Variants in DTNA observed in about 807,000 individuals in gnomAD.
The protein encoded by DTNA is dystrobrevin alpha.
In DTNA, 43 loss-of-function variants were observed where a neutral mutation model predicts 100.7. The observed-to-expected ratio is 0.43, with a 90% CI of 0.33 to 0.55. The LOEUF (loss-of-function observed/expected upper bound fraction) is 0.55. DTNA is among the 20% of genes least tolerant of loss of function. The probability of loss-of-function intolerance (pLI) is 0.04; values close to 1 mark genes in which losing one functional copy is unlikely to be tolerated. For missense variants in DTNA, 798 were observed against 953.9 expected, an observed-to-expected ratio of 0.84 and a Z score of 2.15; for synonymous variants, 349 against 347.9, an observed-to-expected ratio of 1.00 and a Z score of -0.04.
intron 1 of DTNA, among the ~76,000 whole-genome samples, chr18:34,682,130 G>T (rs1418237951): frequency 1.3e-5 from 2 of 152,072 alleles, no homozygotes; most frequent in Non-Finnish European, 2.9e-5. Context: ...TGGCTTGATA[G>T]TTCATTTTGT....
At chr18:34,619,864 T>A (rs1038938768) in intron 1 of DTNA, among the ~76,000 whole-genome samples, 2 of 152,176 alleles carry the variant, frequency 1.3e-5, no homozygotes, top group Admixed American at 6.5e-5. Context: ...AAGAAGGATG[T>A]GTATCAGAAA....
At chr18:34,791,287 C>T (rs1164346827) in intron 3 of DTNA, among the ~76,000 whole-genome samples, 1 of 152,162 alleles carries the variant, frequency 6.6e-6, no homozygotes, top group Non-Finnish European at 1.5e-5. Context: ...AGTTCCCAGT[C>T]CATGCTCCTC....
intron 1 of DTNA, among the ~76,000 whole-genome samples, chr18:34,652,731 C>T (rs1048586399): frequency 7.2e-5 from 11 of 152,124 alleles, no homozygotes; most frequent in Admixed American, 4.6e-4. Context: ...ATATCCTAAA[C>T]GTGCCTCTCT....
At chr18:34,519,945 A>G (rs562398310) in intron 1 of DTNA, among the ~76,000 whole-genome samples, 3 of 152,306 alleles carry the variant, frequency 2.0e-5, no homozygotes, top group South Asian at 4.1e-4. Flanking sequence ...TTTCTGAAAT[A>G]CCATAGTACC....
chr18:34,669,644 T>G (rs1436212804), intron 1 of DTNA, among the ~76,000 whole-genome samples: 1 of 152,244 alleles, frequency 6.6e-6, no homozygotes, highest in African/African-American at 2.4e-5. Flanking sequence ...TCTGTCAGCA[T>G]TAGCTTGTCT....
chr18:34,791,302 C>G (rs2094730622), intron 3 of DTNA, among the ~76,000 whole-genome samples: 2 of 152,126 alleles, frequency 1.3e-5, no homozygotes, highest in African/African-American at 4.8e-5. Flanking sequence ...CTCCTCTCCC[C>G]AGATGTCTGT....
intron 1 of DTNA, among the ~76,000 whole-genome samples, chr18:34,639,760 TTTTG>T (rs1892725663): frequency 2.0e-5 from 3 of 152,260 alleles, no homozygotes; most frequent in South Asian, 4.1e-4. Context: ...GTGGCAGTGT[TTTTG>T]TTTGTTTATT....
chr18:34,683,066 A>G (rs1363619652), intron 1 of DTNA, among the ~76,000 whole-genome samples: 1 of 152,158 alleles, frequency 6.6e-6, no homozygotes, highest in Admixed American at 6.6e-5. Context: ...TCTTAGTCTC[A>G]TTCCAATTTA....
At chr18:34,715,643 G>C (rs181065303) in intron 1 of DTNA, among the ~76,000 whole-genome samples, 1 of 152,100 alleles carries the variant, frequency 6.6e-6, no homozygotes, top group East Asian at 1.9e-4. Flanking sequence ...ATGGATCTAT[G>C]AAAGTAGTGA....
In DTNA at chr18:34,830,028, A is replaced by G. The variant is rs76735547; in HGVS notation, c.1175+539A>G. Among the ~76,000 whole-genome samples, 48 of 152,328 alleles carry G rather than the reference A, an allele frequency of 3.2e-4. No homozygotes were observed. In the East Asian group the frequency reaches 8.5e-3, roughly 27 times the overall value. On this transcript the variant is annotated intron_variant, in intron 11 of 22. Transcript: ENST00000444659. ...AAACAGTTTCTTGCTCTCTGTGCTT[A>G]TTCTCTATCACTTGATAATGCTGGT...
chr18:34,809,799 G>A (rs1023571520), intron 5 of DTNA, among the ~76,000 whole-genome samples: 3 of 152,082 alleles, frequency 2.0e-5, no homozygotes, highest in Admixed American at 6.6e-5. Flanking sequence ...TTTTCTTAAC[G>A]CTTTAAAATG....
intron 1 of DTNA, among the ~76,000 whole-genome samples, chr18:34,549,775 G>A (rs1006601936): frequency 1.3e-5 from 2 of 151,448 alleles, no homozygotes; most frequent in African/African-American, 2.4e-5. Flanking sequence ...TTTATTATTT[G>A]TAACAACTAT....
chr18:34,493,936 C>G (rs1264292726), intron 1 of DTNA: 1 of 148,466 alleles, frequency 6.7e-6, no homozygotes, highest in Admixed American at 6.7e-5. Context: ...CGGCGCCTCC[C>G]CGGGCGGCGG....
intron 13 of DTNA, among the ~76,000 whole-genome samples, chr18:34,846,527 A>G (rs995533891): frequency 2.0e-5 from 3 of 152,146 alleles, no homozygotes; most frequent in Non-Finnish European, 2.9e-5. Context: ...GGAATGTTCT[A>G]GTTATTTATT....
rs1809271262 is a variant in DTNA at position 34,838,826 on chromosome 18, C to G, written c.1335C>G (p.Asn445Lys). The change falls in exon 13 of 23, where the codon AAC becomes AAG. Residue 445 changes from asparagine to lysine, a missense_variant. By Grantham distance (94) the Asn-to-Lys change is moderately conservative (BLOSUM62 0). Around this residue, in one of 6 missense-constraint regions of DTNA, gnomAD observed 159 missense variants for 201.2 expected, o/e 0.79. Transcript: ENST00000444659. ...LIGLYVNMLRNNPSCMLESSN... is the reference protein window; with the variant it reads ...LIGLYVNMLRKNPSCMLESSN... ...GGTTGTATGTCAACATGCTCCGGAA[C>G]AACCCCTCATGGTTAGTGCAGGTTT... The G allele has an allele frequency of 6.2e-7, 1 of 1,613,500 alleles. No homozygotes were observed. The highest frequency in any genetic ancestry group is 1.3e-5 in the African/African-American group (1 of 74,876).
At chr18:34,515,865 G>A (rs1056898837) in intron 1 of DTNA, among the ~76,000 whole-genome samples, 2 of 152,056 alleles carry the variant, frequency 1.3e-5, no homozygotes, top group South Asian at 2.1e-4. Context: ...GGATCATGAC[G>A]TGCTTGTGGA....
chr18:34,776,377 A>T (rs1034476315), intron 3 of DTNA, among the ~76,000 whole-genome samples: 32 of 152,172 alleles, frequency 2.1e-4, no homozygotes, highest in Non-Finnish European at 2.5e-4. Flanking sequence ...TCTGTCGCCC[A>T]GGCTGGAGTG....
chr18:34,781,954 C>A (rs890638185), intron 3 of DTNA, among the ~76,000 whole-genome samples: 1 of 152,170 alleles, frequency 6.6e-6, no homozygotes, highest in Admixed American at 6.5e-5. Context: ...TGGCTGCCAG[C>A]CCTATCGGTG....
At chr18:34,836,775 G>A (rs992797104) in intron 11 of DTNA, among the ~76,000 whole-genome samples, 6 of 151,634 alleles carry the variant, frequency 4.0e-5, no homozygotes, top group African/African-American at 1.2e-4. Context: ...TGACAAACAT[G>A]CATGTCTACT....
Sources: allele counts gnomAD v4.1 joint callset (sites outside exome capture counted in the v4.1 genomes callset), GRCh38; gene constraint gnomAD v4.1.1; regional missense constraint gnomAD v4.1.1; transcripts MANE v1.5; gene names NCBI Gene and HGNC (gene_info 2026-07-23, HGNC 2026-07-21).